Variants in THSD4 observed in about 807,000 individuals in gnomAD.
THSD4 encodes thrombospondin type 1 domain containing 4.
A neutral mutation model predicts 119.0 loss-of-function variants in THSD4; 69 were observed. That is an observed-to-expected ratio of 0.58 (90% CI 0.48 to 0.71). The LOEUF is 0.71. Ranked by LOEUF, THSD4 falls within the 30% of genes least tolerant of loss-of-function variation. The pLI is 0.00. For missense variants in THSD4, 1,393 were observed against 1,391.1 expected (o/e 1.00, Z -0.02); for synonymous variants, 524 against 540.4 (o/e 0.97, Z 0.42).
intron 7 of THSD4, among the ~76,000 whole-genome samples, chr15:71,622,679 A>G (rs2050438630): frequency 6.6e-6 from 1 of 152,198 alleles, no homozygotes; most frequent in African/African-American, 2.4e-5. Flanking sequence ...CTAAGGACCA[A>G]TGGAGAAGCT....
intron 7 of THSD4, among the ~76,000 whole-genome samples, chr15:71,434,832 G>A (rs1380483986): frequency 1.3e-5 from 2 of 151,990 alleles, no homozygotes; most frequent in Non-Finnish European, 2.9e-5. Flanking sequence ...ATTTCAATGG[G>A]GACAAACAGC....
chr15:71,394,331 C>T (rs954266684), intron 6 of THSD4, among the ~76,000 whole-genome samples: 14 of 134,496 alleles, frequency 1.0e-4, no homozygotes, highest in African/African-American at 3.7e-4. Context: ...GGAGTGCAGT[C>T]GTGCAATCTT....
intron 3 of THSD4, chr15:71,183,252 C>T (rs1211026987): frequency 6.6e-6 from 1 of 151,760 alleles, no homozygotes; most frequent in Non-Finnish European, 1.5e-5. Context: ...ACTTAATTCA[C>T]TACCACGAGA....
At chr15:71,336,372 A>T (rs1044934524) in intron 6 of THSD4, among the ~76,000 whole-genome samples, 2 of 152,270 alleles carry the variant, frequency 1.3e-5, no homozygotes, top group African/African-American at 4.8e-5. Flanking sequence ...AAGAGATTCA[A>T]ATTCAAGTTA....
chr15:71,335,361 AC>A (rs1222991114), intron 6 of THSD4, among the ~76,000 whole-genome samples: 1 of 152,078 alleles, frequency 6.6e-6, no homozygotes, highest in Non-Finnish European at 1.5e-5. Flanking sequence ...TGAACCAAGT[AC>A]CCCCTAACCT....
At chr15:71,520,962 G>A (rs1320697317) in intron 7 of THSD4, among the ~76,000 whole-genome samples, 2 of 152,180 alleles carry the variant, frequency 1.3e-5, no homozygotes, top group Admixed American at 6.5e-5. Flanking sequence ...AAGTTTGAAG[G>A]GAAACCTTGA....
rs146100668 is a variant in THSD4 at position 71,194,781 on chromosome 15, T to C, written c.100-20254T>C. 2.8e-3 allele frequency among the ~76,000 whole-genome samples: 424 copies of C among 152,328 alleles called. 1 individual carries two copies. Among genetic ancestry groups the C allele is most frequent in the African/African-American group, 0.01 (419 of 41,582 alleles). ...GGTCTTCAGTGCACATTCACTTCGG[T>C]GGCTCCCACCTGCACTGTTGGATTG... is the stretch of plus-strand genomic sequence containing the variant. On this transcript the variant is annotated intron_variant, in intron 3 of 17. Coordinates refer to ENST00000261862, the MANE Select transcript of THSD4 (RefSeq NM_024817.3).
chr15:71,532,569 C>T (rs2048631311), intron 7 of THSD4, among the ~76,000 whole-genome samples: 1 of 151,964 alleles, frequency 6.6e-6, no homozygotes, highest in Admixed American at 6.6e-5. Flanking sequence ...CCCGCCTTGG[C>T]CTCTCAAACT....
At chr15:71,597,396 T>A (rs926842061) in intron 7 of THSD4, among the ~76,000 whole-genome samples, 1 of 152,200 alleles carries the variant, frequency 6.6e-6, no homozygotes, top group Non-Finnish European at 1.5e-5. Flanking sequence ...CCCACAGATA[T>A]ATGTGTGTAT....
chr15:71,363,873 C>T (rs531642466), intron 6 of THSD4, among the ~76,000 whole-genome samples: 14 of 152,262 alleles, frequency 9.2e-5, no homozygotes, highest in African/African-American at 3.4e-4. Context: ...AAGGCGCAGA[C>T]GTATAAAATG....
intron 8 of THSD4, among the ~76,000 whole-genome samples, chr15:71,670,250 G>T (rs1051934329): frequency 1.3e-5 from 2 of 151,182 alleles, no homozygotes; most frequent in Non-Finnish European, 2.9e-5. Flanking sequence ...CCCATGACAG[G>T]CCCCGGTGTG....
intron 6 of THSD4, among the ~76,000 whole-genome samples, chr15:71,316,694 C>G (rs1392818404): frequency 6.6e-6 from 1 of 152,082 alleles, no homozygotes; most frequent in Non-Finnish European, 1.5e-5. Context: ...AGCAGCTGAC[C>G]AGAGTGGGGC....
chr15:71,300,150 TAAAAA>T (rs1210873497), intron 6 of THSD4, among the ~76,000 whole-genome samples: 1 of 150,944 alleles, frequency 6.6e-6, no homozygotes, highest in Admixed American at 6.6e-5. Context: ...CCTTGTCTCT[TAAAAA>T]AATAAAATAA....
At chr15:71,619,337 C>A (rs1018902817) in intron 7 of THSD4, among the ~76,000 whole-genome samples, 1 of 152,044 alleles carries the variant, frequency 6.6e-6, no homozygotes, top group Non-Finnish European at 1.5e-5. Flanking sequence ...AGAGCCAAAC[C>A]AGGATTTAAA....
chr15:71,539,590 G>T lies in THSD4; in HGVS notation c.1153-120940G>T, dbSNP rs556295174. Among the ~76,000 whole-genome samples the T allele has an allele frequency of 6.6e-5, 10 of 152,190 alleles. No homozygotes were observed. In the South Asian group the frequency reaches 1.9e-3, roughly 28 times the overall value. On this transcript the variant is annotated intron_variant, in intron 7 of 17. Transcript: ENST00000261862. ...CATATGTTCATTTTCCGTATTTTTT[G>T]ATACTCTCGTTTGTACCACTAACAT...
chr15:71,445,236 A>C (rs1309251396), intron 7 of THSD4, among the ~76,000 whole-genome samples: 1 of 151,662 alleles, frequency 6.6e-6, no homozygotes, highest in Non-Finnish European at 1.5e-5. Context: ...CCCCAAATAG[A>C]CCTCTTTTAA....
intron 6 of THSD4, among the ~76,000 whole-genome samples, chr15:71,395,914 G>GAGACAT (rs535919434): frequency 1.3e-4 from 18 of 133,380 alleles, no homozygotes; most frequent in African/African-American, 4.6e-4. Context: ...TTTGAAGAGA[G>GAGACAT]ACACACACAC....
intron 6 of THSD4, among the ~76,000 whole-genome samples, chr15:71,289,400 G>A (rs1381936274): frequency 6.6e-6 from 1 of 152,240 alleles, no homozygotes; most frequent in East Asian, 1.9e-4. Flanking sequence ...GCCAAGCAGA[G>A]GTCAGTTGGG....
intron 1 of THSD4, among the ~76,000 whole-genome samples, chr15:71,131,521 G>A (rs1433569227): frequency 6.6e-6 from 1 of 151,106 alleles, no homozygotes; most frequent in African/African-American, 2.4e-5. Context: ...AGAAAAATGG[G>A]CAAATAAGGT....
Sources: gnomAD v4.1 joint callset for allele counts (sites outside exome capture counted in the v4.1 genomes callset) on GRCh38, gnomAD v4.1.1 for gene constraint, MANE v1.5 for transcripts, NCBI Gene and HGNC (gene_info 2026-07-23, HGNC 2026-07-21) for gene names.